The following RARB variants were observed in gnomAD, a reference collection of about 807,000 sequenced individuals.
The protein encoded by RARB is HBV-activated protein.
A neutral mutation model predicts 51.9 loss-of-function variants in RARB; 17 were observed. The observed-to-expected ratio is 0.33, with a 90% confidence interval of 0.22 to 0.49. RARB has a LOEUF of 0.49. Ranked by LOEUF, RARB falls within the 20% of genes least tolerant of loss-of-function variation. The pLI, the probability that RARB is intolerant of heterozygous loss-of-function variation, is 0.99. For synonymous variants in RARB, 215 were observed against 195.4 expected (o/e 1.10, Z -0.84); for missense variants, 369 against 550.8 (o/e 0.67, Z 3.30).
intron 5 of RARB, among the ~76,000 whole-genome samples, chr3:25,368,990 A>T (rs1706219893): frequency 6.6e-6 from 1 of 152,220 alleles, no homozygotes. Flanking sequence ...CATATTTCAA[A>T]TACTAGTGGC....
At chr3:25,048,934 A>G (rs1017901566) in intron 2 of RARB, among the ~76,000 whole-genome samples, 12 of 151,818 alleles carry the variant, frequency 7.9e-5, no homozygotes, top group African/African-American at 2.4e-4. Context: ...TTGTATTTTT[A>G]GTAGAGACGG....
intron 4 of RARB, among the ~76,000 whole-genome samples, chr3:25,570,920 A>G (rs1221460626): frequency 6.6e-6 from 1 of 151,118 alleles, no homozygotes; most frequent in Middle Eastern, 3.4e-3. Flanking sequence ...TGAAGATCAA[A>G]AGACAAAATA....
At chr3:25,589,385 T>C (rs1284297332) in intron 5 of RARB, among the ~76,000 whole-genome samples, 2 of 152,156 alleles carry the variant, frequency 1.3e-5, no homozygotes, top group Non-Finnish European at 2.9e-5. Flanking sequence ...AGAAAGAAGT[T>C]TGGATTTTAT....
At chr3:25,480,470 C>T (rs1696170385) in intron 2 of RARB, among the ~76,000 whole-genome samples, 1 of 152,164 alleles carries the variant, frequency 6.6e-6, no homozygotes, top group Admixed American at 6.5e-5. Context: ...CTGCCTATGT[C>T]ATGGGCCAGG....
chr3:25,000,665 A>G (rs1697140317), intron 2 of RARB, among the ~76,000 whole-genome samples: 1 of 152,170 alleles, frequency 6.6e-6, no homozygotes, highest in Non-Finnish European at 1.5e-5. Flanking sequence ...ACAGAATGTC[A>G]TGTGAGTATC....
At chr3:25,485,571 G>A (rs1158774019) in intron 2 of RARB, among the ~76,000 whole-genome samples, 1 of 152,040 alleles carries the variant, frequency 6.6e-6, no homozygotes, top group Non-Finnish European at 1.5e-5. Flanking sequence ...TTGGAAAAAT[G>A]TGTTTCTGTG....
intron 3 of RARB, among the ~76,000 whole-genome samples, chr3:25,131,000 TTTA>T (rs1379262950): frequency 7.0e-5 from 2 of 28,636 alleles, no homozygotes. Flanking sequence ...TCAATATTTA[TTTA>T]TTATTTATCA....
chr3:24,983,620 G>A (rs1696724248), intron 2 of RARB, among the ~76,000 whole-genome samples: 1 of 152,096 alleles, frequency 6.6e-6, no homozygotes. Flanking sequence ...ACTTATGAGT[G>A]AGAACCTTTA....
chr3:25,060,715 G>C (rs1415623936), intron 3 of RARB, among the ~76,000 whole-genome samples: 2 of 151,882 alleles, frequency 1.3e-5, no homozygotes, highest in Admixed American at 1.3e-4. Flanking sequence ...TTTATCATGG[G>C]AGTAGATGGC....
At chr3:25,306,604 T>A (rs188532374) in intron 5 of RARB, among the ~76,000 whole-genome samples, 5 of 152,290 alleles carry the variant, frequency 3.3e-5, no homozygotes, top group Non-Finnish European at 7.3e-5. Flanking sequence ...CTGAAACATA[T>A]TGATTTTCTG....
intron 3 of RARB, among the ~76,000 whole-genome samples, chr3:25,537,265 G>A (rs2125650415): frequency 6.6e-6 from 1 of 152,336 alleles, no homozygotes; most frequent in South Asian, 2.1e-4. Context: ...AGGGCCATTT[G>A]ATGCTTTAAG....
chr3:25,141,905 C>T (rs558983172), intron 4 of RARB, among the ~76,000 whole-genome samples: 5 of 152,218 alleles, frequency 3.3e-5, no homozygotes, highest in Admixed American at 1.3e-4. Flanking sequence ...ACCAATTTCT[C>T]GGTTATAAGA....
intron 3 of RARB, among the ~76,000 whole-genome samples, chr3:25,114,396 A>G (rs183263469): frequency 6.6e-6 from 1 of 152,136 alleles, no homozygotes; most frequent in Admixed American, 6.6e-5. Flanking sequence ...AGTTTTCACT[A>G]GTTTGAAGAT....
At chr3:25,107,343 C>A (rs1457264462) in intron 3 of RARB, among the ~76,000 whole-genome samples, 1 of 152,098 alleles carries the variant, frequency 6.6e-6, no homozygotes, top group Non-Finnish European at 1.5e-5. Context: ...CTCATTTGTG[C>A]CTTGTGTAAA....
At chr3:24,953,535 C>G (rs1285771946) in intron 2 of RARB, among the ~76,000 whole-genome samples, 1 of 152,098 alleles carries the variant, frequency 6.6e-6, no homozygotes, top group Non-Finnish European at 1.5e-5. Flanking sequence ...CCCATGAACT[C>G]AAAGCTTGGC....
chr3:25,303,190 C>T (rs1277001617), intron 5 of RARB, among the ~76,000 whole-genome samples: 1 of 152,172 alleles, frequency 6.6e-6, no homozygotes, highest in Non-Finnish European at 1.5e-5. Context: ...TTCTGAAGAA[C>T]TTTGGGAGGT....
At chr3:25,525,711 C>T (rs1698616126) in intron 3 of RARB, among the ~76,000 whole-genome samples, 1 of 152,152 alleles carries the variant, frequency 6.6e-6, no homozygotes, top group South Asian at 2.1e-4. Flanking sequence ...GTCATCACTG[C>T]TTAGAACTGT....
intron 4 of RARB, among the ~76,000 whole-genome samples, chr3:25,142,288 C>T (rs775581115): frequency 5.3e-5 from 8 of 152,088 alleles, no homozygotes; most frequent in Non-Finnish European, 7.4e-5. Context: ...TAACCTAGAT[C>T]GTGCCACTGC....
In RARB at chr3:25,522,672, T is replaced by A. The variant is rs17525635; in HGVS notation, c.448+21349T>A. On this transcript the variant is annotated intron_variant, in intron 3 of 7. Coordinates refer to ENST00000330688, the MANE Select transcript of RARB (RefSeq NM_000965.5). ...AAAGACAGAGAACACTGGAAAGGCT[T>A]GGCCCAGACTCAATTAAGGCACAGA... Among the ~76,000 whole-genome samples, 1,378 of 152,190 alleles carry A rather than the reference T, an allele frequency of 9.1e-3. 3 individuals carry two copies. The highest frequency in any genetic ancestry group is 0.011 in the Non-Finnish European group (780 of 67,980).
Sources: allele counts gnomAD v4.1 joint callset (sites outside exome capture counted in the v4.1 genomes callset), GRCh38; gene constraint gnomAD v4.1.1; transcripts MANE v1.5; gene names NCBI Gene and HGNC (gene_info 2026-07-23, HGNC 2026-07-21).